The following MICU3 variants were observed in gnomAD, a reference collection of about 807,000 sequenced individuals.
MICU3 encodes mitochondrial calcium uptake 3, also known as calcium uptake protein 3, mitochondrial.
In MICU3, 62 loss-of-function variants were observed where a neutral mutation model predicts 66.5. The observed-to-expected ratio is 0.93, with a 90% CI of 0.76 to 1.15. MICU3 has a LOEUF of 1.15. Among genes scored for constraint, MICU3 ranks in the 50% most tolerant of loss-of-function variants. MICU3 has a pLI of 0.00. For synonymous variants in MICU3, 308 were observed against 240.7 expected (o/e 1.28, Z -2.59); for missense variants, 779 against 664.4 (o/e 1.17, Z -1.90).
At position 17,105,562 on chromosome 8, in the gene MICU3, G is replaced by A. The variant is rs774411224; in HGVS notation, c.1235G>A (p.Arg412His). The A allele has an allele frequency of 2.2e-5, 35 of 1,555,790 alleles. No individual in the cohort carries two copies. The highest frequency in any genetic ancestry group is 2.8e-5 in the African/African-American group (2 of 71,460). Residue 412 changes from arginine to histidine, a missense_variant, in exon 11 of 15, where the codon CGT becomes CAT. Physicochemically the swap from Arg to His is conservative, Grantham distance 29. Transcript: ENST00000318063. Reference sequence around the variant, plus strand: ...ACATCAGTATTTTTAGAAAATGTGCGTTACAGTATACCTGAAGAAAAGGTA... The same window carrying A: ...ACATCAGTATTTTTAGAAAATGTGCATTACAGTATACCTGAAGAAAAGGTA... ...ENTSVFLENV[R>H]YSIPEEKGIT...
At chr8:17,063,946 G>C (rs1818273444) in intron 1 of MICU3, 138 bp from the exon 2 acceptor site, 1 of 480,472 alleles carries the variant, frequency 2.1e-6, no homozygotes, top group South Asian at 6.9e-5. Context: ...TTTATAAAGT[G>C]ATTAACGTTT....
chr8:17,135,690 G>A, the MICU3 span, among the ~76,000 whole-genome samples: 13 of 151,944 alleles, frequency 8.6e-5, no homozygotes, highest in African/African-American at 1.9e-4. Flanking sequence ...GAAATCTTTC[G>A]AATTCCCATT....
chr8:17,086,001 A>G (rs1308442723), intron 6 of MICU3, among the ~76,000 whole-genome samples: 2 of 152,112 alleles, frequency 1.3e-5, no homozygotes, highest in Non-Finnish European at 2.9e-5. Flanking sequence ...AGAAAATACT[A>G]TTAATGTATT....
intron 11 of MICU3, among the ~76,000 whole-genome samples, chr8:17,111,083 G>C (rs1802166966): frequency 6.6e-6 from 1 of 151,994 alleles, no homozygotes; most frequent in Non-Finnish European, 1.5e-5. Flanking sequence ...GTTTTGATTT[G>C]TATTTCCCCG....
chr8:17,077,535 A>T (rs372563066), intron 3 of MICU3, among the ~76,000 whole-genome samples: 5 of 152,152 alleles, frequency 3.3e-5, no homozygotes, highest in African/African-American at 9.7e-5. Context: ...CCGTTATTCA[A>T]CTTATCTGAA....
the MICU3 span, among the ~76,000 whole-genome samples, chr8:17,136,027 TACTC>T: frequency 6.6e-6 from 1 of 152,140 alleles, no homozygotes; most frequent in Non-Finnish European, 1.5e-5. Flanking sequence ...AAATTGTACT[TACTC>T]CATGTTATAG....
chr8:17,028,841 C>G (rs1017878204), intron 1 of MICU3, among the ~76,000 whole-genome samples: 4 of 152,056 alleles, frequency 2.6e-5, no homozygotes, highest in African/African-American at 7.2e-5. Flanking sequence ...AGGAGCATAG[C>G]GTTTTTCATG....
At chr8:17,092,084 G>A (rs1261606650) in intron 8 of MICU3, among the ~76,000 whole-genome samples, 1 of 151,974 alleles carries the variant, frequency 6.6e-6, no homozygotes, top group East Asian at 1.9e-4. Flanking sequence ...CACCATTTCA[G>A]CCAGGATGGT....
the MICU3 span, among the ~76,000 whole-genome samples, chr8:17,127,855 C>T: frequency 6.9e-6 from 1 of 143,936 alleles, no homozygotes; most frequent in African/African-American, 2.8e-5. Context: ...GTGATTTCTT[C>T]CCTTCAAAAA....
the MICU3 span, among the ~76,000 whole-genome samples, chr8:17,137,493 T>C: frequency 6.8e-6 from 1 of 146,354 alleles, no homozygotes; most frequent in South Asian, 2.2e-4. Context: ...ATTTAATACC[T>C]TAAACCACAC....
chr8:17,097,602 G>A (rs558671822), intron 8 of MICU3, among the ~76,000 whole-genome samples: 3 of 151,616 alleles, frequency 2.0e-5, no homozygotes, highest in Non-Finnish European at 4.4e-5. Flanking sequence ...AGAAAGAAAA[G>A]TTCTGTTTTC....
At chr8:17,064,472 G>GACTCATATTCTGCCTATTCAT (rs1818370143) in intron 2 of MICU3, among the ~76,000 whole-genome samples, 2 of 151,922 alleles carry the variant, frequency 1.3e-5, no homozygotes, top group Admixed American at 6.6e-5. Context: ...TCTTACTTTT[G>GACTCATATTCTGCCTATTCAT]ATACTCTTTA....
intron 1 of MICU3, among the ~76,000 whole-genome samples, chr8:17,038,132 G>C (rs1028646767): frequency 2.0e-5 from 3 of 152,150 alleles, no homozygotes; most frequent in Non-Finnish European, 4.4e-5. Context: ...AGACTTTGGG[G>C]GACTGTTGGA....
chr8:17,073,552 GTAA>G (rs1328766434), intron 3 of MICU3, among the ~76,000 whole-genome samples: 4 of 152,084 alleles, frequency 2.6e-5, no homozygotes, highest in Non-Finnish European at 4.4e-5. Context: ...ATGTTACATT[GTAA>G]TAATAATAGA....
chr8:17,111,115 C>G (rs1802170598), intron 11 of MICU3, among the ~76,000 whole-genome samples: 1 of 151,950 alleles, frequency 6.6e-6, no homozygotes, highest in African/African-American at 2.4e-5. Flanking sequence ...TATTCAGCAT[C>G]TTTTTATATG....
chr8:17,099,596 T>C (rs1170459113), intron 9 of MICU3, among the ~76,000 whole-genome samples: 1 of 151,860 alleles, frequency 6.6e-6, no homozygotes, highest in Non-Finnish European at 1.5e-5. Flanking sequence ...TGTGATGTAA[T>C]TATGACCAAC....
At chr8:17,111,472 C>T (rs766997950) in intron 11 of MICU3, among the ~76,000 whole-genome samples, 6 of 152,130 alleles carry the variant, frequency 3.9e-5, no homozygotes, top group Non-Finnish European at 8.8e-5. Context: ...CAGTCCCATG[C>T]TACCACACCC....
At position 17,120,416 on chromosome 8, in the gene MICU3, A is replaced by G. The variant is rs1475389012; in HGVS notation, c.*129A>G. On this transcript the variant is annotated 3_prime_UTR_variant, in exon 15 of 15. Coordinates refer to ENST00000318063, the MANE Select transcript of MICU3 (RefSeq NM_181723.3). Reference sequence around the variant, plus strand: ...TGAAGGAAAAGGTGAATGCTATGAAATTGATATTTTTTCTGGAACTGAATT... The same window carrying G: ...TGAAGGAAAAGGTGAATGCTATGAAGTTGATATTTTTTCTGGAACTGAATT... 6.6e-6 allele frequency: 1 copy of G among 152,066 alleles called. No individual in the cohort carries two copies. Among genetic ancestry groups the G allele is most frequent in the Non-Finnish European group, 1.5e-5 (1 of 67,966 alleles). 9.4% of individuals were successfully genotyped at this position (152,066 alleles called of 1,614,324 possible). A position where few individuals can be genotyped will look rare whatever the true frequency, so the allele number is the denominator to read the frequency against.
At chr8:17,119,584 T>C (rs1027550595) in intron 14 of MICU3, among the ~76,000 whole-genome samples, 1 of 135,250 alleles carries the variant, frequency 7.4e-6, no homozygotes. Flanking sequence ...TAGAGGTGTT[T>C]CCCAAAGTGG....
Sources: gnomAD v4.1 joint callset for allele counts (sites outside exome capture counted in the v4.1 genomes callset) on GRCh38, gnomAD v4.1.1 for gene constraint, MANE v1.5 for transcripts, NCBI Gene and HGNC (gene_info 2026-07-23, HGNC 2026-07-21) for gene names.